Variants in ANO6 observed in about 807,000 individuals in gnomAD.
ANO6 encodes anoctamin-6.
Under a neutral mutation model 117.5 loss-of-function variants are expected in ANO6, and 106 were observed. The ratio of observed to expected loss-of-function variants is 0.90; its 90% CI spans 0.77 to 1.06. The LOEUF (loss-of-function observed/expected upper bound fraction) is 1.06. Ranked by LOEUF, ANO6 falls within the 50% of genes least tolerant of loss-of-function variation. The pLI, the probability that ANO6 is intolerant of heterozygous loss-of-function variation, is 0.00. For synonymous variants in ANO6, 367 were observed against 385.1 expected (o/e 0.95, Z 0.55); for missense variants, 955 against 1,121.1 (o/e 0.85, Z 2.12).
rs1178378721 is a variant in ANO6 at position 45,280,907 on chromosome 12, ATTT to A, written c.71-21105_71-21103del. 3.4e-4 allele frequency among the ~76,000 whole-genome samples: 51 copies of A among 152,070 alleles called. 1 individual carries two copies. The highest frequency in any genetic ancestry group is 1.2e-3 in the African/African-American group (48 of 41,508). ...AGAGAGAGAGAGAGAATATATGTAT[ATTT>A]TATATATAATGCATATATAAATGCA... On this transcript the variant is annotated intron_variant, in intron 1 of 19. Coordinates refer to ENST00000320560, the MANE Select transcript of ANO6 (RefSeq NM_001025356.3).
At chr12:45,377,340 A>T (rs867556602) in intron 9 of ANO6, among the ~76,000 whole-genome samples, 4 of 152,212 alleles carry the variant, frequency 2.6e-5, no homozygotes, top group South Asian at 2.1e-4. Context: ...GAGATAGGCT[A>T]CATATATAAT....
intron 18 of ANO6, among the ~76,000 whole-genome samples, chr12:45,421,960 GTC>G (rs1427469356): frequency 3.1e-4 from 47 of 152,088 alleles, no homozygotes; most frequent in Admixed American, 3.1e-3. Flanking sequence ...AGTTTATTTA[GTC>G]CAACTCCTCA....
chr12:45,238,339 CGG>C (rs1565637767), intron 1 of ANO6, among the ~76,000 whole-genome samples: 1 of 151,676 alleles, frequency 6.6e-6, no homozygotes, highest in African/African-American at 2.4e-5. Context: ...TTAGTAGAGA[CGG>C]GGTTTCACCA....
chr12:45,327,322 C>A (rs925287024), intron 2 of ANO6, among the ~76,000 whole-genome samples: 5 of 152,132 alleles, frequency 3.3e-5, no homozygotes, highest in Non-Finnish European at 7.4e-5. Context: ...GAGCAAAGCA[C>A]TCATACCCTC....
At chr12:45,379,514 A>T (rs1158582951) in intron 10 of ANO6, among the ~76,000 whole-genome samples, 5 of 152,166 alleles carry the variant, frequency 3.3e-5, no homozygotes, top group Admixed American at 2.0e-4. Flanking sequence ...ATTGTAATAC[A>T]CCTTTCTCCG....
chr12:45,291,346 C>CAAAAAAAAAAAA (rs747924513), intron 1 of ANO6, among the ~76,000 whole-genome samples: 1 of 48,236 alleles, frequency 2.1e-5, no homozygotes, highest in Non-Finnish European at 4.0e-5. Context: ...AACTCCGTCT[C>CAAAAAAAAAAAA]AAAAAAAAAA....
At chr12:45,246,919 C>T (rs1947834224) in intron 1 of ANO6, among the ~76,000 whole-genome samples, 1 of 151,814 alleles carries the variant, frequency 6.6e-6, no homozygotes, top group Non-Finnish European at 1.5e-5. Flanking sequence ...TGTGTGCCAC[C>T]ACGCGCGGCT....
intron 8 of ANO6, among the ~76,000 whole-genome samples, chr12:45,362,001 T>C (rs1941568257): frequency 6.6e-6 from 1 of 152,130 alleles, no homozygotes; most frequent in Admixed American, 6.5e-5. Flanking sequence ...ACCAGTCGCA[T>C]AGAATGAGTT....
chr12:45,377,370 G>T (rs935076860), intron 9 of ANO6, among the ~76,000 whole-genome samples: 1 of 152,116 alleles, frequency 6.6e-6, no homozygotes. Flanking sequence ...ATAAAACTTA[G>T]CAGAACTAGT....
At chr12:45,395,475 T>C (rs1165407012) in intron 12 of ANO6, among the ~76,000 whole-genome samples, 2 of 152,116 alleles carry the variant, frequency 1.3e-5, no homozygotes, top group East Asian at 3.8e-4. Flanking sequence ...GAGGGAATCC[T>C]CCCTAACTCA....
chr12:45,258,386 G>A (rs981381098), intron 1 of ANO6, among the ~76,000 whole-genome samples: 24 of 152,054 alleles, frequency 1.6e-4, no homozygotes, highest in Admixed American at 1.2e-3. Context: ...TGAGTTTGTC[G>A]TCTTCTTGCC....
chr12:45,336,633 A>T (rs1019696338), intron 3 of ANO6, among the ~76,000 whole-genome samples: 3 of 152,088 alleles, frequency 2.0e-5, no homozygotes, highest in Non-Finnish European at 4.4e-5. Flanking sequence ...GCTGCTAGTC[A>T]TATAAAAATA....
At chr12:45,304,868 A>G (rs529616334) in intron 2 of ANO6, among the ~76,000 whole-genome samples, 7 of 152,242 alleles carry the variant, frequency 4.6e-5, no homozygotes, top group Non-Finnish European at 1.0e-4. Flanking sequence ...GCACTGCTGT[A>G]TAGTGTGCAT....
At chr12:45,433,424 G>A (rs1943671067), downstream of ANO6, among the ~76,000 whole-genome samples, 1 of 152,204 alleles carries the variant, frequency 6.6e-6, no homozygotes, top group Non-Finnish European at 1.5e-5. Flanking sequence ...CATTACTTTG[G>A]CAAACTCCTG....
chr12:45,268,734 CTCT>C (rs1938298005), intron 1 of ANO6, among the ~76,000 whole-genome samples: 1 of 152,116 alleles, frequency 6.6e-6, no homozygotes, highest in Non-Finnish European at 1.5e-5. Flanking sequence ...ATGCCAATAC[CTCT>C]TCTTCCTGCA....
exon 20 of ANO6, chr12:45,440,105 C>T (rs1943754320): frequency 1.7e-6 from 1 of 590,170 alleles, no homozygotes; most frequent in African/African-American, 1.9e-5. Context: ...AACCCACAAG[C>T]TTTTATATGT....
At chr12:45,306,845 G>A (rs148482825) in intron 2 of ANO6, among the ~76,000 whole-genome samples, 2 of 151,974 alleles carry the variant, frequency 1.3e-5, no homozygotes, top group African/African-American at 2.4e-5. Flanking sequence ...TGGGGGGGTG[G>A]TGACAGTTTT....
chr12:45,314,472 TATACAC>T (rs1227652364), intron 2 of ANO6, among the ~76,000 whole-genome samples: 5 of 38,352 alleles, frequency 1.3e-4, no homozygotes, highest in Non-Finnish European at 2.9e-4. Context: ...ATATATTATA[TATACAC>T]ACACACACAC....
At chr12:45,364,315 T>C (rs899676795) in intron 8 of ANO6, among the ~76,000 whole-genome samples, 2 of 152,200 alleles carry the variant, frequency 1.3e-5, no homozygotes, top group Non-Finnish European at 2.9e-5. Context: ...TGGAATTTGT[T>C]GAGTTTCCTG....
Sources: allele counts gnomAD v4.1 joint callset (sites outside exome capture counted in the v4.1 genomes callset), GRCh38; gene constraint gnomAD v4.1.1; transcripts MANE v1.5; gene names NCBI Gene and HGNC (gene_info 2026-07-23, HGNC 2026-07-21).